Variants in ROBO2 observed in about 807,000 individuals in gnomAD.
ROBO2 encodes the protein roundabout homolog 2.
Under a neutral mutation model 160.8 loss-of-function variants are expected in ROBO2, and 53 were observed. The ratio of observed to expected loss-of-function variants is 0.33; its 90% confidence interval spans 0.26 to 0.41. ROBO2 has a LOEUF of 0.41. ROBO2 is among the 10% of genes least tolerant of loss of function. The probability of loss-of-function intolerance (pLI) is 1.00; values close to 1 mark genes in which losing one functional copy is unlikely to be tolerated. For missense variants in ROBO2, 1,577 were observed against 1,722.4 expected, an observed-to-expected ratio of 0.92 and a Z score of 1.49; for synonymous variants, 664 against 611.7, an observed-to-expected ratio of 1.09 and a Z score of -1.26.
chr3:77,411,328 A>G lies in ROBO2; in HGVS notation c.389-66086A>G, dbSNP rs1279119098. ...TGAGGACAACTTAGCAATATTTATT[A>G]AAATTAAAAATGCTTGAAGCCTTCA... On this transcript the variant is annotated intron_variant, in intron 2 of 25. Coordinates refer to ENST00000461745, the Ensembl canonical transcript of ROBO2. 3.9e-5 allele frequency among the ~76,000 whole-genome samples: 6 copies of G among 152,208 alleles called. No individual in the cohort carries two copies. The East Asian group carries it at 7.7e-4, about 20-fold the overall frequency.
At chr3:76,994,020 T>C (rs566338250) in intron 2 of ROBO2, among the ~76,000 whole-genome samples, 10 of 152,224 alleles carry the variant, frequency 6.6e-5, no homozygotes, top group Non-Finnish European at 1.2e-4. Flanking sequence ...CAGTGGGTTA[T>C]TGAGGATCAC....
At chr3:76,884,710 T>A (rs1478057861) in intron 2 of ROBO2, among the ~76,000 whole-genome samples, 1 of 152,206 alleles carries the variant, frequency 6.6e-6, no homozygotes, top group Non-Finnish European at 1.5e-5. Context: ...TTCCCAATAC[T>A]TTCCTATTAG....
At chr3:77,570,947 G>T (rs2093622889) in intron 13 of ROBO2, among the ~76,000 whole-genome samples, 1 of 151,966 alleles carries the variant, frequency 6.6e-6, no homozygotes, top group African/African-American at 2.4e-5. Flanking sequence ...TGAAACAATA[G>T]TTAGCAACAA....
intron 2 of ROBO2, among the ~76,000 whole-genome samples, chr3:77,429,612 GTT>G (rs34071759): frequency 0.23 from 33,047 of 145,178 alleles, 4,083 homozygotes; most frequent in Middle Eastern, 0.32. Context: ...AAAAAGCAGG[GTT>G]TTTTTTTTTT....
chr3:76,205,140 AT>A (rs1407445783), intron 2 of ROBO2, among the ~76,000 whole-genome samples: 4 of 152,124 alleles, frequency 2.6e-5, no homozygotes, highest in African/African-American at 9.7e-5. Context: ...TGATCCTCGT[AT>A]TTTTTCCTCT....
intron 2 of ROBO2, among the ~76,000 whole-genome samples, chr3:77,200,455 T>G (rs1579917375): frequency 6.6e-6 from 1 of 151,368 alleles, no homozygotes; most frequent in East Asian, 2.0e-4. Context: ...ATGCAACTTT[T>G]AAAAATTTCA....
At chr3:77,642,599 C>T in intron 24 of ROBO2, 72 bp from the exon 26 acceptor site, 1 of 404,712 alleles carries the variant, frequency 2.5e-6, no homozygotes, top group Non-Finnish European at 4.8e-6. Context: ...CAAAGATTTT[C>T]TTCAACTTGA....
intron 2 of ROBO2, among the ~76,000 whole-genome samples, chr3:76,557,603 C>G (rs73129159): frequency 7.2e-5 from 9 of 124,406 alleles, no homozygotes; most frequent in African/African-American, 2.5e-4. Context: ...ATAAAGGGTG[C>G]CTTTTTTTTT....
intron 2 of ROBO2, among the ~76,000 whole-genome samples, chr3:76,751,875 A>T (rs893344237): frequency 8.5e-5 from 13 of 152,080 alleles, no homozygotes; most frequent in African/African-American, 2.7e-4. Flanking sequence ...ATTGTGGAAG[A>T]CAGTGTGGCG....
chr3:77,440,902 A>G (rs929685003), intron 2 of ROBO2, among the ~76,000 whole-genome samples: 4 of 152,048 alleles, frequency 2.6e-5, no homozygotes, highest in African/African-American at 9.7e-5. Flanking sequence ...ATATGTCACT[A>G]TGCACCCAGA....
chr3:76,016,485 G>A (rs1420729235), intron 2 of ROBO2, among the ~76,000 whole-genome samples: 1 of 151,868 alleles, frequency 6.6e-6, no homozygotes, highest in African/African-American at 2.4e-5. Flanking sequence ...TCCAATGTCA[G>A]ACAGTTATTT....
At chr3:76,224,676 A>G (rs909632009) in intron 2 of ROBO2, among the ~76,000 whole-genome samples, 2 of 152,198 alleles carry the variant, frequency 1.3e-5, no homozygotes, top group African/African-American at 4.8e-5. Context: ...TACCTAATTC[A>G]TAATTTTCTA....
At chr3:77,088,988 A>G (rs1042703655) in intron 1 of ROBO2, among the ~76,000 whole-genome samples, 1 of 152,202 alleles carries the variant, frequency 6.6e-6, no homozygotes, top group Non-Finnish European at 1.5e-5. Flanking sequence ...CATGCTACAG[A>G]ACAATGAGAC....
chr3:76,388,747 G>T (rs1282688288), intron 2 of ROBO2, among the ~76,000 whole-genome samples: 1 of 151,180 alleles, frequency 6.6e-6, no homozygotes, highest in Non-Finnish European at 1.5e-5. Flanking sequence ...TACCTTTCTG[G>T]CCACTGTTTT....
chr3:77,395,427 G>C (rs1329152659), intron 2 of ROBO2, among the ~76,000 whole-genome samples: 2 of 152,150 alleles, frequency 1.3e-5, no homozygotes, highest in East Asian at 3.8e-4. Context: ...TGCTTTAGGA[G>C]AGCAGTGAAA....
At chr3:76,798,245 GA>G (rs1553909345) in intron 2 of ROBO2, among the ~76,000 whole-genome samples, 8 of 50,242 alleles carry the variant, frequency 1.6e-4, no homozygotes, top group African/African-American at 5.0e-4. Flanking sequence ...AAGAAAAAAA[GA>G]AGAAAGAAAG....
intron 2 of ROBO2, among the ~76,000 whole-genome samples, chr3:76,229,421 A>G (rs1704487999): frequency 6.6e-6 from 1 of 152,146 alleles, no homozygotes; most frequent in African/African-American, 2.4e-5. Flanking sequence ...CATCATTTCA[A>G]AAAAACAAGC....
At chr3:76,353,012 C>T (rs4373070) in intron 2 of ROBO2, among the ~76,000 whole-genome samples, 147,422 of 152,080 alleles carry the variant, frequency 0.97, 71,612 homozygotes, top group Middle Eastern at 1. Context: ...GTTTCCTCTC[C>T]CAAAATACAA....
intron 2 of ROBO2, among the ~76,000 whole-genome samples, chr3:76,215,103 T>C (rs1703416873): frequency 6.6e-6 from 1 of 152,184 alleles, no homozygotes; most frequent in Non-Finnish European, 1.5e-5. Context: ...CTGAGGGTCT[T>C]GACTGTTAGA....
Sources: gnomAD v4.1 joint callset for allele counts (sites outside exome capture counted in the v4.1 genomes callset) on GRCh38, gnomAD v4.1.1 for gene constraint, MANE v1.5 for transcripts, NCBI Gene and HGNC (gene_info 2026-07-23, HGNC 2026-07-21) for gene names.